The following BCAS3 variants were observed in gnomAD, a reference collection of about 807,000 sequenced individuals.
The protein encoded by BCAS3 is BCAS4/BCAS3 fusion.
A neutral mutation model predicts 116.1 loss-of-function variants in BCAS3; 53 were observed. That is an observed-to-expected ratio of 0.46 (90% CI 0.37 to 0.57). The LOEUF (loss-of-function observed/expected upper bound fraction) is 0.57. Among genes scored for constraint, BCAS3 ranks in the 20% least tolerant of loss-of-function variants. The probability of loss-of-function intolerance (pLI) is 0.00; values close to 1 mark genes in which losing one functional copy is unlikely to be tolerated. For missense variants in BCAS3, 917 were observed against 1,165.4 expected (o/e 0.79, Z 3.10); for synonymous variants, 391 against 408.2 (o/e 0.96, Z 0.51).
chr17:60,693,703 A>G (rs1278127226), intron 4 of BCAS3, among the ~76,000 whole-genome samples: 1 of 151,538 alleles, frequency 6.6e-6, no homozygotes, highest in Non-Finnish European at 1.5e-5. Context: ...GTGAGCTACT[A>G]TGCCCGGCAT....
intron 4 of BCAS3, among the ~76,000 whole-genome samples, chr17:60,691,013 A>G (rs1297653330): frequency 6.6e-6 from 1 of 151,862 alleles, no homozygotes; most frequent in Admixed American, 6.6e-5. Flanking sequence ...GCTTACTGCA[A>G]CCTGCGCCTC....
At chr17:60,727,519 C>G in intron 5 of BCAS3, 1 of 1,373,216 alleles carries the variant, frequency 7.3e-7, no homozygotes, top group East Asian at 2.5e-5. Flanking sequence ...GTGATGAAAA[C>G]GAGAAATGGC....
At chr17:61,268,026 T>C (rs1395247647) in intron 22 of BCAS3, among the ~76,000 whole-genome samples, 1 of 152,172 alleles carries the variant, frequency 6.6e-6, no homozygotes, top group Non-Finnish European at 1.5e-5. Context: ...AGAGAAACTG[T>C]TACTCACTTG....
chr17:61,150,382 T>C (rs1225607275), intron 22 of BCAS3, among the ~76,000 whole-genome samples: 1 of 152,222 alleles, frequency 6.6e-6, no homozygotes, highest in Non-Finnish European at 1.5e-5. Context: ...ACTGTGCTAT[T>C]TCTCATCATT....
At chr17:60,815,302 G>A (rs1021679195) in intron 7 of BCAS3, among the ~76,000 whole-genome samples, 4 of 152,108 alleles carry the variant, frequency 2.6e-5, no homozygotes, top group African/African-American at 9.7e-5. Flanking sequence ...CATGGGGTTG[G>A]GGGAGGGGAG....
chr17:60,843,777 G>T (rs1188361729), intron 7 of BCAS3, among the ~76,000 whole-genome samples: 2 of 152,120 alleles, frequency 1.3e-5, no homozygotes, highest in African/African-American at 4.8e-5. Context: ...CATCTGCACT[G>T]ATCCCTTTTC....
At chr17:61,197,313 G>A (rs887153698) in intron 22 of BCAS3, among the ~76,000 whole-genome samples, 1 of 152,214 alleles carries the variant, frequency 6.6e-6, no homozygotes, top group Admixed American at 6.5e-5. Flanking sequence ...TGAATGGCAA[G>A]CAGCACTTTC....
In BCAS3 at chr17:60,962,987, A is replaced by G. The variant is rs1046833583; in HGVS notation, c.1221+15635A>G. Among the ~76,000 whole-genome samples, 1 of 152,182 alleles carries G rather than the reference A, an allele frequency of 6.6e-6. No individual in the cohort carries two copies. Among genetic ancestry groups the G allele is most frequent in the African/African-American group, 2.4e-5 (1 of 41,444 alleles). On this transcript the variant is annotated intron_variant, in intron 14 of 23. Transcript: ENST00000407086. The surrounding 1 kb of genome is among the most constrained non-coding windows in gnomAD (Gnocchi z 4.4). Reference sequence around the variant, plus strand: ...CAGTTATCCCACCACCACTTATTGAAAAGACTGTTCTTTTACCTTCTTATG... The same window carrying G: ...CAGTTATCCCACCACCACTTATTGAGAAGACTGTTCTTTTACCTTCTTATG...
intron 6 of BCAS3, among the ~76,000 whole-genome samples, chr17:60,786,025 A>C (rs544910945): frequency 6.6e-6 from 1 of 152,334 alleles, no homozygotes; most frequent in South Asian, 2.1e-4. Context: ...GTATGATGCA[A>C]TTTTATGCCA....
At chr17:60,687,931 C>T (rs1261874367) in intron 3 of BCAS3, 3 of 152,118 alleles carry the variant, frequency 2.0e-5, no homozygotes, top group Admixed American at 6.5e-5. Context: ...GACTTATTTC[C>T]CCCTCACAGG....
intron 19 of BCAS3, chr17:61,070,087 C>T (rs1187687699): frequency 6.3e-7 from 1 of 1,578,268 alleles, no homozygotes; most frequent in Non-Finnish European, 8.6e-7. Context: ...CAAGCTTGAC[C>T]ACTATGCTAT....
chr17:60,834,140 C>T (rs1386643597), intron 7 of BCAS3, among the ~76,000 whole-genome samples: 4 of 151,868 alleles, frequency 2.6e-5, no homozygotes, highest in African/African-American at 7.2e-5. Context: ...AATATTCTTA[C>T]TAGTTTTCAA....
chr17:60,856,024 T>A (rs1307350244), intron 7 of BCAS3, among the ~76,000 whole-genome samples: 1 of 152,088 alleles, frequency 6.6e-6, no homozygotes, highest in African/African-American at 2.4e-5. Flanking sequence ...ATCTATATAA[T>A]CTCTTTCATG....
Position 61,307,560 on chromosome 17 carries a change from A to T in BCAS3, c.2426-60767A>T, listed in dbSNP as rs1319836760. On this transcript the variant is annotated intron_variant, in intron 22 of 23. Coordinates refer to ENST00000407086, the MANE Select transcript of BCAS3 (RefSeq NM_017679.5). The surrounding 1 kb of genome is among the most constrained non-coding windows in gnomAD (Gnocchi z 4.7). ...TTGGTGTCTACCTGTGTAAAATAGGAATAATCCCAATCTTCTCAATGAGAT... is the reference window on the plus strand; with the variant it reads ...TTGGTGTCTACCTGTGTAAAATAGGTATAATCCCAATCTTCTCAATGAGAT... Among the ~76,000 whole-genome samples the T allele has an allele frequency of 6.6e-6, 1 of 152,254 alleles. No homozygotes were observed. The highest frequency in any genetic ancestry group is 1.5e-5 in the Non-Finnish European group (1 of 68,044).
chr17:60,951,665 A>G (rs559188878), intron 14 of BCAS3, among the ~76,000 whole-genome samples: 7 of 152,014 alleles, frequency 4.6e-5, no homozygotes, highest in African/African-American at 1.7e-4. Flanking sequence ...ACATTTAAAG[A>G]TCAATAGTTC....
Position 61,352,632 on chromosome 17 carries a change from T to A in BCAS3, c.2426-15695T>A, listed in dbSNP as rs2057915721. On this transcript the variant is annotated intron_variant, in intron 22 of 23. Coordinates refer to ENST00000407086, the MANE Select transcript of BCAS3 (RefSeq NM_017679.5). The surrounding 1 kb of genome is among the most constrained non-coding windows in gnomAD (Gnocchi z 4.7). ...GGCGCCACACTTGGCACACAATGAG[T>A]CTGTGAGTTGAGGGGAAATCACAAC... Among the ~76,000 whole-genome samples, 1 of 152,088 alleles carries A rather than the reference T, an allele frequency of 6.6e-6. No homozygotes were observed.
At position 61,132,027 on chromosome 17, in the gene BCAS3, C is replaced by T. The variant is rs1173499385; in HGVS notation, c.2425+47463C>T. Among the ~76,000 whole-genome samples the T allele has an allele frequency of 6.6e-6, 1 of 152,190 alleles. No individual in the cohort carries two copies. Among genetic ancestry groups the T allele is most frequent in the Non-Finnish European group, 1.5e-5 (1 of 68,032 alleles). ...CAATTAACCCCTGGCAGATACCTCA[C>T]CGTGTTCTCCTTATAGCCACTCTGT... On this transcript the variant is annotated intron_variant, in intron 22 of 23. Coordinates refer to ENST00000407086, the MANE Select transcript of BCAS3 (RefSeq NM_017679.5). This position sits in a 1 kb window ranked among gnomAD's most constrained non-coding sequence, Gnocchi z 5.1.
chr17:61,044,479 T>TATATATATATATGC (rs1370417697), intron 19 of BCAS3, among the ~76,000 whole-genome samples: 3 of 143,944 alleles, frequency 2.1e-5, no homozygotes, highest in African/African-American at 8.5e-5. Flanking sequence ...TATATATATA[T>TATATATATATATGC]GCCATAAGAA....
intron 22 of BCAS3, among the ~76,000 whole-genome samples, chr17:61,096,630 G>T (rs1415924670): frequency 6.6e-6 from 1 of 152,086 alleles, no homozygotes; most frequent in Admixed American, 6.5e-5. Flanking sequence ...GAATCTCTTG[G>T]ATTTTCTACT....
Sources: gnomAD v4.1 joint callset for allele counts (sites outside exome capture counted in the v4.1 genomes callset) on GRCh38, gnomAD v4.1.1 for gene constraint, Gnocchi (gnomAD v3.1) non-coding constraint, MANE v1.5 for transcripts, NCBI Gene and HGNC (gene_info 2026-07-23, HGNC 2026-07-21) for gene names.